The following CD247 variants were observed in gnomAD, a reference collection of about 807,000 sequenced individuals.
CD247 encodes the protein CD247 molecule.
In CD247, 13 loss-of-function variants were observed where a neutral mutation model predicts 30.0. The observed-to-expected ratio is 0.43, with a 90% CI of 0.28 to 0.69. The LOEUF (loss-of-function observed/expected upper bound fraction) is 0.69. CD247 is among the 30% of genes least tolerant of loss of function. The pLI is 0.16. For missense variants in CD247, 193 were observed against 212.6 expected, an observed-to-expected ratio of 0.91 and a Z score of 0.57; for synonymous variants, 72 against 80.0, an observed-to-expected ratio of 0.90 and a Z score of 0.53.
intron 1 of CD247, among the ~76,000 whole-genome samples, chr1:167,503,831 T>G (rs189922104): frequency 6.6e-6 from 1 of 151,770 alleles, no homozygotes; most frequent in African/African-American, 2.4e-5. Flanking sequence ...CCAAAGGCCA[T>G]GCCCCCCTAC....
intron 1 of CD247, among the ~76,000 whole-genome samples, chr1:167,444,798 T>C (rs1025315234): frequency 1.3e-5 from 2 of 152,250 alleles, no homozygotes; most frequent in Non-Finnish European, 2.9e-5. Context: ...ATTAAAGCTT[T>C]GGTCCTTCTT....
chr1:167,514,536 G>A (rs989566892), intron 1 of CD247, among the ~76,000 whole-genome samples: 4 of 152,096 alleles, frequency 2.6e-5, no homozygotes, highest in African/African-American at 7.2e-5. Context: ...TTTTTAGACC[G>A]GAAGACATAC....
At chr1:167,455,023 G>A (rs1652570056) in intron 1 of CD247, among the ~76,000 whole-genome samples, 1 of 152,200 alleles carries the variant, frequency 6.6e-6, no homozygotes, top group South Asian at 2.1e-4. Flanking sequence ...CCCGAGCCGG[G>A]GCCAGGCCTC....
intron 1 of CD247, among the ~76,000 whole-genome samples, chr1:167,507,443 G>T (rs763525687): frequency 1.3e-5 from 2 of 152,110 alleles, no homozygotes; most frequent in Admixed American, 6.5e-5. Flanking sequence ...ATTTTAGATG[G>T]TTGGCCAATT....
rs574147573 is a variant in CD247 at position 167,518,493 on chromosome 1, G to GGAGGCA, written c.-34_-29dup. ...TGTCCTTTCCCTCAGAAAGAGGCTG[G>GGAGGCA]GAGGCAGAGGCTGAGGCAGCGGTGG... On this transcript the variant is annotated 5_prime_UTR_variant, in exon 1 of 8. Coordinates refer to ENST00000362089, the MANE Select transcript of CD247 (RefSeq NM_198053.3). 5.7e-5 allele frequency: 92 copies of GGAGGCA among 1,609,230 alleles called. 1 individual carries two copies. In the South Asian group the frequency reaches 9.7e-4, roughly 17 times the overall value.
At chr1:167,474,161 C>G (rs1193171296) in intron 1 of CD247, among the ~76,000 whole-genome samples, 3 of 152,128 alleles carry the variant, frequency 2.0e-5, no homozygotes, top group Non-Finnish European at 4.4e-5. Flanking sequence ...GATAGAGATA[C>G]TGAATAGTCT....
intron 1 of CD247, among the ~76,000 whole-genome samples, chr1:167,474,046 C>T (rs1217503679): frequency 3.9e-5 from 6 of 152,260 alleles, no homozygotes; most frequent in East Asian, 1.9e-4. Flanking sequence ...TCACCACCCC[C>T]GGAAGACTAG....
rs1198112379 is a variant in CD247 at position 167,494,680 on chromosome 1, T to A, written c.58+23728A>T. Among the ~76,000 whole-genome samples, 1 of 152,142 alleles carries A rather than the reference T, an allele frequency of 6.6e-6. No homozygotes were observed. The highest frequency in any genetic ancestry group is 1.5e-5 in the Non-Finnish European group (1 of 68,030). On this transcript the variant is annotated intron_variant, in intron 1 of 7. Transcript: ENST00000362089. The surrounding 1 kb of genome is among the most constrained non-coding windows in gnomAD (Gnocchi z 7.3). Reference sequence around the variant, plus strand: ...CCATGTCTCTGGATTGTTAAAAGGATCAAAAAAGATCATGAGTAGTGCATT... The same window carrying A: ...CCATGTCTCTGGATTGTTAAAAGGAACAAAAAAGATCATGAGTAGTGCATT...
In CD247 at chr1:167,433,513, T is replaced by C. The variant is rs190816046; in HGVS notation, c.394-454A>G. Among the ~76,000 whole-genome samples, 3 of 152,362 alleles carry C rather than the reference T, an allele frequency of 2.0e-5. No homozygotes were observed. In the East Asian group the frequency reaches 5.8e-4, roughly 29 times the overall value. On this transcript the variant is annotated intron_variant, in intron 6 of 7. Transcript: ENST00000362089. ...CCTTGGGTAAGTCACTCAACCTCCT[T>C]GTGCCTTGCAGGGCACATGTTTCTC... is the stretch of plus-strand genomic sequence containing the variant.
At chr1:167,434,454 G>A (rs1331141751) in intron 5 of CD247, 2 of 358,958 alleles carry the variant, frequency 5.6e-6, no homozygotes, top group Non-Finnish European at 1.1e-5. Context: ...CAGCCAAACG[G>A]GCTGTAGATC....
chr1:167,483,490 C>T (rs546954906), intron 1 of CD247, among the ~76,000 whole-genome samples: 16 of 152,300 alleles, frequency 1.1e-4, no homozygotes, highest in African/African-American at 3.8e-4. Context: ...TAGTTTTTCC[C>T]ACAAGGGAGC....
intron 1 of CD247, among the ~76,000 whole-genome samples, chr1:167,501,878 C>A (rs998602716): frequency 6.6e-6 from 1 of 152,214 alleles, no homozygotes; most frequent in African/African-American, 2.4e-5. Context: ...AAGAGGAGCA[C>A]GCAGGTAGAA....
intron 1 of CD247, among the ~76,000 whole-genome samples, chr1:167,506,877 T>C (rs1353861892): frequency 6.6e-6 from 1 of 151,140 alleles, no homozygotes; most frequent in Admixed American, 6.6e-5. Context: ...TATGGCTTAT[T>C]GTATGTTCCC....
chr1:167,443,977 A>C (rs1225193186), intron 1 of CD247, among the ~76,000 whole-genome samples: 1 of 152,190 alleles, frequency 6.6e-6, no homozygotes, highest in Non-Finnish European at 1.5e-5. Flanking sequence ...TTCATTGGGC[A>C]TCTGCTCTGT....
At chr1:167,433,346 C>T (rs1467945713) in intron 6 of CD247, among the ~76,000 whole-genome samples, 1 of 152,200 alleles carries the variant, frequency 6.6e-6, no homozygotes, top group Non-Finnish European at 1.5e-5. Context: ...CCTATATTGC[C>T]TACTGCTTAG....
intron 1 of CD247, among the ~76,000 whole-genome samples, chr1:167,512,629 T>C (rs1347272320): frequency 6.6e-6 from 1 of 152,206 alleles, no homozygotes; most frequent in Non-Finnish European, 1.5e-5. Flanking sequence ...CATTATTGCA[T>C]TGGGAAAATG....
chr1:167,467,338 C>T (rs1345793702), intron 1 of CD247, among the ~76,000 whole-genome samples: 1 of 152,230 alleles, frequency 6.6e-6, no homozygotes, highest in African/African-American at 2.4e-5. Flanking sequence ...CACCCTGACT[C>T]ATGAAACCAT....
intron 1 of CD247, among the ~76,000 whole-genome samples, chr1:167,452,190 A>G (rs1652379013): frequency 6.6e-6 from 1 of 152,204 alleles, no homozygotes; most frequent in African/African-American, 2.4e-5. Context: ...ACGCCATTGC[A>G]CTCCAGCCTG....
intron 1 of CD247, among the ~76,000 whole-genome samples, chr1:167,517,935 C>G (rs553069986): frequency 2.0e-5 from 3 of 152,294 alleles, no homozygotes; most frequent in Admixed American, 6.5e-5. Context: ...GACTGACCAA[C>G]AAAATCTTCT....
Sources: gnomAD v4.1 joint callset for allele counts (sites outside exome capture counted in the v4.1 genomes callset) on GRCh38, gnomAD v4.1.1 for gene constraint, Gnocchi (gnomAD v3.1) non-coding constraint, MANE v1.5 for transcripts, NCBI Gene and HGNC (gene_info 2026-07-23, HGNC 2026-07-21) for gene names.